Variants in IL4I1 observed in about 807,000 individuals in gnomAD.
IL4I1 encodes L-amino-acid oxidase.
Under a neutral mutation model 29.7 loss-of-function variants are expected in IL4I1, and 24 were observed. The ratio of observed to expected loss-of-function variants is 0.81; its 90% confidence interval spans 0.59 to 1.14. The LOEUF (loss-of-function observed/expected upper bound fraction) is 1.14. Ranked by LOEUF, IL4I1 falls within the 50% of genes most tolerant of loss-of-function variation. The probability of loss-of-function intolerance (pLI) is 0.00; values close to 1 mark genes in which losing one functional copy is unlikely to be tolerated. For missense variants in IL4I1, 686 were observed against 785.6 expected (o/e 0.87, Z 1.52); for synonymous variants, 371 against 352.5 (o/e 1.05, Z -0.59).
chr19:49,890,112 T>TCGAGCGC lies in IL4I1; in HGVS notation c.1255_1261dup (p.Asp421GlyfsTer50). 1 of 1,544,022 alleles carries TCGAGCGC rather than the reference T, an allele frequency of 6.5e-7. No individual in the cohort carries two copies. Among genetic ancestry groups the TCGAGCGC allele is most frequent in the Non-Finnish European group, 8.7e-7 (1 of 1,145,408 alleles). ...AGGCCCGTGCAATGCCGCCACGTCG[T>TCGAGCGC]CGAGCGCCAAGCGCAACGCCTCTTC... On this transcript the variant is annotated frameshift_variant, in exon 8 of 8. Transcript: ENST00000391826. LOFTEE classifies it low-confidence loss of function (END_TRUNC).
chr19:49,925,792 G>A (rs2075872583), intron 2 of IL4I1, among the ~76,000 whole-genome samples: 1 of 152,124 alleles, frequency 6.6e-6, no homozygotes, highest in South Asian at 2.1e-4. Flanking sequence ...TGACAAATGT[G>A]GCAAAGTAAT....
At chr19:49,914,686 C>T (rs2075572976) in intron 2 of IL4I1, among the ~76,000 whole-genome samples, 1 of 149,426 alleles carries the variant, frequency 6.7e-6, no homozygotes, top group Non-Finnish European at 1.5e-5. Context: ...GCTCTACTAC[C>T]TTACCTCCAT....
Position 49,895,057 on chromosome 19 carries a change from TG to T in IL4I1, c.365+10del. 6.2e-7 allele frequency: 1 copy of T among 1,606,116 alleles called. No homozygotes were observed. The highest frequency in any genetic ancestry group is 1.1e-5 in the South Asian group (1 of 90,856). ...AGTCTAGGCACACAGGTGGGTGGGT[TG>T]CTAGGTCACCTGTGAGAGCTGGGCA... On this transcript the variant is annotated intron_variant, in intron 4 of 7. Transcript: ENST00000391826.
In IL4I1 at chr19:49,890,149, C is replaced by T. The variant is rs112829612; in HGVS notation, c.1225G>A (p.Gly409Ser). The T allele has an allele frequency of 6.5e-7, 1 of 1,541,480 alleles. No homozygotes were observed. Among genetic ancestry groups the T allele is most frequent in the Non-Finnish European group, 8.7e-7 (1 of 1,143,318 alleles). Residue 409 changes from glycine (G) to serine (S), a missense_variant, in exon 8 of 8, where the codon GGC becomes AGC. Gly to Ser is a moderately conservative substitution (Grantham distance 56). Coordinates refer to ENST00000391826, the MANE Select transcript of IL4I1 (RefSeq NM_152899.2). ...CGCAACGCCTCTTCCCGGCTCAAGCCGGCGAACGCTGCCGCCGCGTCCGAC... is the reference window on the plus strand; with the variant it reads ...CGCAACGCCTCTTCCCGGCTCAAGCTGGCGAACGCTGCCGCCGCGTCCGAC... ...TWSDAAAAFA[G>S]LSREEALRLA...
upstream of IL4I1, among the ~76,000 whole-genome samples, chr19:49,900,754 T>G (rs1233917931): frequency 6.6e-6 from 1 of 152,194 alleles, no homozygotes; most frequent in Non-Finnish European, 1.5e-5. Flanking sequence ...CAGTCAAGTA[T>G]CTGTTGACTT....
intron 2 of IL4I1, chr19:49,908,912 G>A (rs1460406720): frequency 6.2e-7 from 1 of 1,607,390 alleles, no homozygotes; most frequent in South Asian, 1.1e-5. Context: ...GATCCCGGCT[G>A]GCGCCAGTGG....
chr19:49,895,275 C>T (rs2075192330), intron 3 of IL4I1, 95 bp from the exon 4 acceptor site: 3 of 981,894 alleles, frequency 3.1e-6, no homozygotes, highest in Non-Finnish European at 4.7e-6. Flanking sequence ...TGCCTTCTTC[C>T]ATCCCCACAG....
chr19:49,908,021 A>G (rs1350709603), intron 2 of IL4I1: 5 of 980,484 alleles, frequency 5.1e-6, no homozygotes, highest in East Asian at 2.7e-5. Context: ...AATGAAAGCC[A>G]CAGAAGCCAC....
chr19:49,912,076 GAAGAGCATTTATAAA>G (rs2075478547), intron 2 of IL4I1, among the ~76,000 whole-genome samples: 1 of 151,716 alleles, frequency 6.6e-6, no homozygotes, highest in African/African-American at 2.4e-5. Context: ...AAATTTCCAA[GAAGAGCATTTATAAA>G]AAGCTCTTTG....
chr19:49,915,267 G>A (rs996910015), intron 2 of IL4I1, among the ~76,000 whole-genome samples: 1 of 152,288 alleles, frequency 6.6e-6, no homozygotes, highest in East Asian at 1.9e-4. Context: ...TGAAGATAAA[G>A]AGGTTACCCT....
At position 49,914,726 on chromosome 19, in the gene IL4I1, GTTTTTTTTTTTTT is replaced by G. The variant is rs530372497; in HGVS notation, c.-227-10418_-227-10406del. On this transcript the variant is annotated intron_variant, in intron 2 of 9. Transcript: ENST00000341114. ...GATTCTTGTGCCACTCCAAGTCCCA[GTTTTTTTTTTTTT>G]TTTTTTTTTTTTTTTTTTGAGATGG... 2.0e-3 allele frequency among the ~76,000 whole-genome samples: 110 copies of G among 56,410 alleles called. 1 individual carries two copies. Among genetic ancestry groups the G allele is most frequent in the South Asian group, 0.013 (15 of 1,182 alleles). 37.0% of individuals were successfully genotyped at this position (56,410 alleles called of 152,430 possible).
chr19:49,926,631 G>A (rs773587796), intron 2 of IL4I1, among the ~76,000 whole-genome samples: 5 of 152,210 alleles, frequency 3.3e-5, no homozygotes, highest in East Asian at 1.9e-4. Context: ...GATAGGGCAC[G>A]TCTGTGCGTC....
intron 2 of IL4I1, chr19:49,908,909 G>A (rs2075385396): frequency 6.2e-7 from 1 of 1,607,744 alleles, no homozygotes; most frequent in African/African-American, 1.3e-5. Flanking sequence ...GGGGATCCCG[G>A]CTGGCGCCAG....
intron 5 of IL4I1, among the ~76,000 whole-genome samples, chr19:49,893,242 C>A (rs1296541092): frequency 1.3e-5 from 2 of 151,908 alleles, no homozygotes; most frequent in Non-Finnish European, 2.9e-5. Flanking sequence ...TTTCTGGTAC[C>A]AGGCTGGGGA....
chr19:49,926,907 G>A (rs1328896021), intron 2 of IL4I1, among the ~76,000 whole-genome samples: 1 of 148,568 alleles, frequency 6.7e-6, no homozygotes, highest in East Asian at 2.0e-4. Flanking sequence ...CCAGGCTGCA[G>A]TGTGGTGGCA....
upstream of IL4I1, chr19:49,901,631 G>A: frequency 1.3e-6 from 2 of 1,500,722 alleles, no homozygotes; most frequent in Non-Finnish European, 1.8e-6. Context: ...CCGGGTGGGG[G>A]CACTCACTGC....
chr19:49,905,903 G>A (rs529109526), intron 2 of IL4I1, among the ~76,000 whole-genome samples: 47 of 151,630 alleles, frequency 3.1e-4, no homozygotes, highest in Non-Finnish European at 5.5e-4. Context: ...GCACCTGGCC[G>A]GTCCAAGGAA....
upstream of IL4I1, among the ~76,000 whole-genome samples, chr19:49,897,764 A>G (rs2075230148): frequency 6.9e-6 from 1 of 143,978 alleles, no homozygotes; most frequent in Non-Finnish European, 1.5e-5. Context: ...GGGGTGGGGG[A>G]GAGGGAGCCA....
intron 2 of IL4I1, among the ~76,000 whole-genome samples, chr19:49,919,932 A>G (rs569025895): frequency 1.3e-5 from 2 of 149,862 alleles, no homozygotes; most frequent in Non-Finnish European, 3.0e-5. Context: ...TTAAAAAAAA[A>G]TTTTTTTTTT....
Sources: gnomAD v4.1 joint callset for allele counts (sites outside exome capture counted in the v4.1 genomes callset) on GRCh38, gnomAD v4.1.1 for gene constraint, MANE v1.5 for transcripts, NCBI Gene and HGNC (gene_info 2026-07-23, HGNC 2026-07-21) for gene names.